Variants in HDAC9 observed in about 807,000 individuals in gnomAD.
The protein encoded by HDAC9 is MEF-2 interacting transcription repressor (MITR) protein.
In HDAC9, 41 loss-of-function variants were observed where a neutral mutation model predicts 139.4. The observed-to-expected ratio is 0.29, with a 90% CI of 0.23 to 0.38. The LOEUF is 0.38. HDAC9 is among the 10% of genes least tolerant of loss of function. The pLI is 1.00. For synonymous variants in HDAC9, 517 were observed against 476.2 expected (o/e 1.09, Z -1.12); for missense variants, 1,147 against 1,297.0 (o/e 0.88, Z 1.78).
At chr7:18,935,071 A>C (rs563494722) in intron 22 of HDAC9, among the ~76,000 whole-genome samples, 1 of 152,316 alleles carries the variant, frequency 6.6e-6, no homozygotes, top group African/African-American at 2.4e-5. Flanking sequence ...TTGAAAAACA[A>C]GGAAATTTAG....
intron 17 of HDAC9, among the ~76,000 whole-genome samples, chr7:18,797,164 G>A (rs764076108): frequency 2.0e-4 from 30 of 152,120 alleles, no homozygotes; most frequent in Non-Finnish European, 3.2e-4. Flanking sequence ...AAGACATTAA[G>A]TAACCTTTTA....
intron 2 of HDAC9, chr7:18,509,208 T>C (rs1800692357): frequency 1.1e-6 from 1 of 933,354 alleles, no homozygotes. Context: ...TCCCTCAACA[T>C]TCCAATTGGT....
At chr7:18,924,886 T>TA (rs1804078851) in intron 22 of HDAC9, among the ~76,000 whole-genome samples, 1 of 152,178 alleles carries the variant, frequency 6.6e-6, no homozygotes, top group South Asian at 2.1e-4. Flanking sequence ...TGGTCAATTA[T>TA]AAGTGTTGCC....
chr7:18,153,242 A>C (rs1334608577), intron 1 of HDAC9, among the ~76,000 whole-genome samples: 1 of 152,174 alleles, frequency 6.6e-6, no homozygotes, highest in Non-Finnish European at 1.5e-5. Context: ...AGACAAAGCA[A>C]GGAAAGAATA....
At position 18,496,344 on chromosome 7, in the gene HDAC9, C is replaced by T. The variant is rs367546910; in HGVS notation, c.22+20C>T. ...GCTCAGGTAAGATCCTCTTTCATAA[C>T]TGAGACGTTTTAGGTTTGAAAGGGG... On this transcript the variant is annotated intron_variant, in intron 2 of 25. Transcript: ENST00000686413. 1.9e-6 allele frequency: 3 copies of T among 1,609,676 alleles called. No homozygotes were observed. The highest frequency in any genetic ancestry group is 2.5e-6 in the Non-Finnish European group (3 of 1,176,618).
intron 24 of HDAC9, among the ~76,000 whole-genome samples, chr7:18,967,490 A>C: frequency 7.2e-6 from 1 of 138,880 alleles, no homozygotes; most frequent in Non-Finnish European, 1.5e-5. Context: ...TTTTGTAAAT[A>C]AAGTTGCCCC....
intron 2 of HDAC9, among the ~76,000 whole-genome samples, chr7:18,222,005 C>G (rs1792739870): frequency 6.6e-6 from 1 of 152,144 alleles, no homozygotes. Flanking sequence ...CTATAATGAT[C>G]ATGAATTTTC....
intron 1 of HDAC9, among the ~76,000 whole-genome samples, chr7:18,472,245 GC>G (rs2128120897): frequency 6.6e-6 from 1 of 152,226 alleles, no homozygotes; most frequent in Admixed American, 6.5e-5. Context: ...CAAATTCCAT[GC>G]TAAGAAATGA....
chr7:18,983,889 T>A (rs912129112), intron 25 of HDAC9, among the ~76,000 whole-genome samples: 11 of 151,906 alleles, frequency 7.2e-5, no homozygotes, highest in Non-Finnish European at 1.5e-4. Context: ...CTCTTCTGTT[T>A]GGAATGTTTA....
At chr7:18,137,607 T>A (rs1362081391) in intron 1 of HDAC9, among the ~76,000 whole-genome samples, 2 of 150,624 alleles carry the variant, frequency 1.3e-5, no homozygotes, top group Middle Eastern at 3.2e-3. Context: ...TGGATTACAT[T>A]TATTGATTTG....
At chr7:18,929,995 G>T (rs1233292564) in intron 22 of HDAC9, among the ~76,000 whole-genome samples, 2 of 151,972 alleles carry the variant, frequency 1.3e-5, no homozygotes, top group Admixed American at 6.6e-5. Context: ...CACCTATAAA[G>T]TATACAGATT....
intron 12 of HDAC9, among the ~76,000 whole-genome samples, chr7:18,676,459 T>C (rs752691710): frequency 1.3e-5 from 2 of 152,066 alleles, no homozygotes; most frequent in Admixed American, 6.6e-5. Context: ...CATAGCCATT[T>C]GTCCTCTCTC....
At chr7:18,733,402 G>C (rs1786578567) in intron 13 of HDAC9, among the ~76,000 whole-genome samples, 2 of 150,432 alleles carry the variant, frequency 1.3e-5, no homozygotes, top group Non-Finnish European at 3.0e-5. Flanking sequence ...ACTCATATTA[G>C]AATAGAGAGA....
intron 1 of HDAC9, among the ~76,000 whole-genome samples, chr7:18,342,551 A>G (rs1446667497): frequency 6.6e-6 from 1 of 151,868 alleles, no homozygotes; most frequent in Non-Finnish European, 1.5e-5. Context: ...TACAAGAAAA[A>G]TGTTTTAAAT....
intron 2 of HDAC9, among the ~76,000 whole-genome samples, chr7:18,532,663 T>C (rs2128239011): frequency 6.6e-6 from 1 of 152,216 alleles, no homozygotes; most frequent in East Asian, 1.9e-4. Context: ...TATATATTGA[T>C]CCTATACCGT....
At chr7:18,621,066 GATAT>G (rs150173304) in intron 6 of HDAC9, among the ~76,000 whole-genome samples, 144 of 152,032 alleles carry the variant, frequency 9.5e-4, no homozygotes, top group African/African-American at 3.4e-3. Flanking sequence ...TGTAAGTGTG[GATAT>G]ATAATATATA....
intron 23 of HDAC9, among the ~76,000 whole-genome samples, chr7:18,940,814 T>G (rs1781974049): frequency 6.6e-6 from 1 of 151,846 alleles, no homozygotes; most frequent in South Asian, 2.1e-4. Context: ...TCCCAAGAGG[T>G]GAGAAAAGCT....
chr7:18,253,302 G>A (rs1223658791), intron 2 of HDAC9, among the ~76,000 whole-genome samples: 1 of 151,932 alleles, frequency 6.6e-6, no homozygotes, highest in Admixed American at 6.6e-5. Flanking sequence ...TGGTATTTCT[G>A]TTTTTAGGTA....
intron 2 of HDAC9, among the ~76,000 whole-genome samples, chr7:18,555,296 G>A (rs1192980285): frequency 6.6e-6 from 1 of 152,136 alleles, no homozygotes; most frequent in Non-Finnish European, 1.5e-5. Context: ...TCTAATTATA[G>A]AAAAAGCCTG....
Sources: gnomAD v4.1 joint callset for allele counts (sites outside exome capture counted in the v4.1 genomes callset) on GRCh38, gnomAD v4.1.1 for gene constraint, MANE v1.5 for transcripts, NCBI Gene and HGNC (gene_info 2026-07-23, HGNC 2026-07-21) for gene names.